Variants in ANKRD18B observed in about 807,000 individuals in gnomAD.
ANKRD18B encodes the protein ankyrin repeat domain 18B, also known as ankyrin repeat domain-containing protein 18B.
ANKRD18B carries 75 observed loss-of-function variants against 111.8 expected under a neutral mutation model. The ratio of observed to expected loss-of-function variants is 0.67; its 90% CI spans 0.56 to 0.81. ANKRD18B has a LOEUF of 0.81. Among genes scored for constraint, ANKRD18B ranks in the 40% least tolerant of loss-of-function variants. The pLI is 0.00. For missense variants in ANKRD18B, 1,038 were observed against 1,225.5 expected (o/e 0.85, Z 2.28); for synonymous variants, 356 against 417.3 (o/e 0.85, Z 1.79).
intron 3 of ANKRD18B, 68 bp from the exon 4 acceptor site, chr9:33,533,371 G>C (rs1828144327): frequency 6.7e-7 from 1 of 1,501,910 alleles, no homozygotes; most frequent in African/African-American, 1.4e-5. Context: ...GCATCTTATA[G>C]AAGATTTTTA....
At chr9:33,542,197 A>G (rs991526923) in intron 9 of ANKRD18B, among the ~76,000 whole-genome samples, 2 of 150,070 alleles carry the variant, frequency 1.3e-5, no homozygotes, top group Non-Finnish European at 3.0e-5. Flanking sequence ...GATGATTGCT[A>G]CAGTCTAGCA....
At chr9:33,544,332 A>AGTTTTAATT (rs1045269667) in intron 10 of ANKRD18B, among the ~76,000 whole-genome samples, 1 of 152,176 alleles carries the variant, frequency 6.6e-6, no homozygotes, top group Admixed American at 6.5e-5. Flanking sequence ...TTCACAGTTG[A>AGTTTTAATT]GTTTTAATTA....
intron 3 of ANKRD18B, among the ~76,000 whole-genome samples, chr9:33,532,704 T>C (rs1267789382): frequency 6.6e-6 from 1 of 152,220 alleles, no homozygotes; most frequent in Non-Finnish European, 1.5e-5. Context: ...GTGCCTGACA[T>C]TGGCATCCTG....
chr9:33,555,935 A>T, intron 13 of ANKRD18B, 115 bp downstream of exon 13: 1 of 745,654 alleles, frequency 1.3e-6, no homozygotes, highest in Non-Finnish European at 1.9e-6. Flanking sequence ...TCATAATTAA[A>T]TGAATTCTGT....
At chr9:33,533,838 G>C (rs1161917867) in intron 4 of ANKRD18B, 8 of 292,178 alleles carry the variant, frequency 2.7e-5, no homozygotes, top group African/African-American at 4.5e-5. Flanking sequence ...ATTTTATGAA[G>C]TGTAGACTTT....
intron 16 of ANKRD18B, among the ~76,000 whole-genome samples, chr9:33,568,072 T>C (rs915580653): frequency 1.3e-5 from 2 of 152,194 alleles, no homozygotes; most frequent in African/African-American, 4.8e-5. Context: ...CCCCCAGGAG[T>C]TGTTGCTCTG....
rs1828432310 is a variant in ANKRD18B at position 33,550,534 on chromosome 9, T to C, written c.2172T>C (p.Asp724=). The C allele has an allele frequency of 2.6e-6, 4 of 1,545,516 alleles. No homozygotes were observed. The highest frequency in any genetic ancestry group is 3.5e-6 in the Non-Finnish European group (4 of 1,144,848). The part of the protein sequence containing the change: ...EGTSHCHINL[D]ETWTSKKKLF... ...CATCACATTGTCATATTAATTTGGA[T>C]GAGACATGGACTTCAAAGAAGAAAT... is the stretch of plus-strand genomic sequence containing the variant. Residue 724 remains aspartate, a synonymous_variant, in exon 12 of 19, where the codon GAT becomes GAC. Transcript: ENST00000684830.
chr9:33,552,981 T>C (rs1828468823), intron 12 of ANKRD18B, among the ~76,000 whole-genome samples: 1 of 151,958 alleles, frequency 6.6e-6, no homozygotes, highest in African/African-American at 2.4e-5. Context: ...ATTAATTTGC[T>C]CAAGGTCGCA....
At chr9:33,547,457 G>C (rs1828373617) in intron 10 of ANKRD18B, among the ~76,000 whole-genome samples, 2 of 151,990 alleles carry the variant, frequency 1.3e-5, no homozygotes. Flanking sequence ...ATATGATCAG[G>C]GAAACAGAAC....
At chr9:33,526,143 G>A (rs1334231610) in intron 1 of ANKRD18B, among the ~76,000 whole-genome samples, 2 of 152,188 alleles carry the variant, frequency 1.3e-5, no homozygotes, top group African/African-American at 2.4e-5. Context: ...GCTGCTTGAA[G>A]TGTAAGTTGC....
intron 14 of ANKRD18B, among the ~76,000 whole-genome samples, chr9:33,558,616 T>C (rs1387633441): frequency 6.6e-6 from 1 of 152,218 alleles, no homozygotes; most frequent in Non-Finnish European, 1.5e-5. Flanking sequence ...CTGGGTTGAT[T>C]CCATGTCTTT....
At chr9:33,574,237 G>A (rs956620841), downstream of ANKRD18B, 2 of 157,978 alleles carry the variant, frequency 1.3e-5, no homozygotes, top group African/African-American at 5.0e-5. Flanking sequence ...TGGGGGCCTG[G>A]TTACGGAGAC....
chr9:33,529,039 C>G lies in ANKRD18B; in HGVS notation c.361C>G (p.Leu121Val). The G allele has an allele frequency of 6.2e-7, 1 of 1,612,362 alleles. No homozygotes were observed. The highest frequency in any genetic ancestry group is 8.5e-7 in the Non-Finnish European group (1 of 1,179,850). The change falls in exon 3 of 19, where the codon CTG becomes GTG. Residue 121 changes from leucine (L) to valine (V), a missense_variant. By Grantham distance (32) the Leu-to-Val change is conservative (BLOSUM62 1). Around this residue, in one of 4 missense-constraint regions of ANKRD18B, gnomAD observed 216 missense variants for 205.1 expected, o/e 1.05. Transcript: ENST00000684830. ...CQEEACAIIL[L>V]KRGANPNIKD... ...GGAAGAGGCTTGTGCCATTATTCTCCTGAAACGTGGCGCCAATCCAAACAT... is the reference window on the plus strand; with the variant it reads ...GGAAGAGGCTTGTGCCATTATTCTCGTGAAACGTGGCGCCAATCCAAACAT...
chr9:33,549,245 C>T (rs117731525), intron 11 of ANKRD18B, among the ~76,000 whole-genome samples: 7,181 of 152,218 alleles, frequency 0.047, 195 homozygotes, highest in South Asian at 0.067. Flanking sequence ...CATATTTCAA[C>T]GAAGCTGTTT....
intron 8 of ANKRD18B, among the ~76,000 whole-genome samples, chr9:33,540,493 A>G (rs1828263622): frequency 6.6e-6 from 1 of 152,230 alleles, no homozygotes; most frequent in Non-Finnish European, 1.5e-5. Flanking sequence ...ATAAATATCC[A>G]CATAGATTTG....
At chr9:33,542,170 A>T (rs546669710) in intron 9 of ANKRD18B, among the ~76,000 whole-genome samples, 13 of 150,232 alleles carry the variant, frequency 8.7e-5, no homozygotes, top group African/African-American at 2.7e-4. Flanking sequence ...TAGTAAAATA[A>T]AGACTGTCTA....
chr9:33,534,788 A>G (rs985484510), intron 5 of ANKRD18B, among the ~76,000 whole-genome samples: 5 of 151,704 alleles, frequency 3.3e-5, no homozygotes, highest in Admixed American at 6.6e-5. Flanking sequence ...ATGAGATAGA[A>G]ATAATGTCAC....
At chr9:33,541,267 A>C in intron 9 of ANKRD18B, 40 bp downstream of exon 9, 1 of 1,522,896 alleles carries the variant, frequency 6.6e-7, no homozygotes, top group Non-Finnish European at 8.8e-7. Flanking sequence ...CCATGTAAAG[A>C]GACTGGGAGA....
intron 18 of ANKRD18B, 160 bp from the exon 19 acceptor site, chr9:33,572,156 A>G: frequency 1.6e-6 from 1 of 622,634 alleles, no homozygotes; most frequent in Non-Finnish European, 2.8e-6. Context: ...AATTAGTGCC[A>G]TGTGTAAATG....
Sources: gnomAD v4.1 joint callset for allele counts (sites outside exome capture counted in the v4.1 genomes callset) on GRCh38, gnomAD v4.1.1 for gene constraint, gnomAD v4.1.1 regional missense constraint, MANE v1.5 for transcripts, NCBI Gene and HGNC (gene_info 2026-07-23, HGNC 2026-07-21) for gene names.